The following C12orf75 variants were observed in gnomAD, a reference collection of about 807,000 sequenced individuals.
C12orf75 encodes overexpressed in colon carcinoma 1 protein.
A neutral mutation model predicts 11.4 loss-of-function variants in C12orf75; 4 were observed. The ratio of observed to expected loss-of-function variants is 0.35; its 90% CI spans 0.17 to 0.80. The LOEUF is 0.80. C12orf75 is among the 30% of genes least tolerant of loss of function. C12orf75 has a pLI of 0.52. For missense variants in C12orf75, 89 were observed against 80.4 expected, an observed-to-expected ratio of 1.11 and a Z score of -0.41; for synonymous variants, 30 against 30.0, an observed-to-expected ratio of 1.00 and a Z score of 0.00.
At chr12:105,334,772 C>T (rs143348376) in intron 1 of C12orf75, among the ~76,000 whole-genome samples, 2 of 152,344 alleles carry the variant, frequency 1.3e-5, no homozygotes, top group Non-Finnish European at 2.9e-5. Flanking sequence ...CCGGACTAGG[C>T]AGAGAAATGA....
chr12:105,370,681 G>A lies in C12orf75; in HGVS notation c.*81G>A. 1 of 457,622 alleles carries A rather than the reference G, an allele frequency of 2.2e-6. No individual in the cohort carries two copies. The highest frequency in any genetic ancestry group is 4.4e-6 in the Non-Finnish European group (1 of 226,798). 28.3% of individuals were successfully genotyped at this position (457,622 alleles called of 1,614,324 possible). On this transcript the variant is annotated 3_prime_UTR_variant, in exon 6 of 6. Transcript: ENST00000443585. ...ATTTGGCTCCGTGGGACGTTGTAAT[G>A]TGCACAGACATTTCCAAGGAAATTC...
chr12:105,345,334 A>G (rs1304482860), intron 1 of C12orf75, among the ~76,000 whole-genome samples: 1 of 151,932 alleles, frequency 6.6e-6, no homozygotes, highest in African/African-American at 2.4e-5. Context: ...ATTAAAAAAT[A>G]CAAAAATAAG....
At chr12:105,350,198 C>T (rs763317608) in intron 2 of C12orf75, among the ~76,000 whole-genome samples, 3 of 152,258 alleles carry the variant, frequency 2.0e-5, no homozygotes, top group Non-Finnish European at 4.4e-5. Context: ...AAGCACTGCC[C>T]TGCACTTGCA....
intron 5 of C12orf75, among the ~76,000 whole-genome samples, chr12:105,367,887 G>A (rs762865712): frequency 2.0e-5 from 3 of 152,106 alleles, no homozygotes; most frequent in Admixed American, 1.3e-4. Context: ...ATTTTAAGTG[G>A]TATTAGCCAG....
At chr12:105,366,108 A>C (rs1871466583) in intron 3 of C12orf75, 1 of 434,020 alleles carries the variant, frequency 2.3e-6, no homozygotes, top group Non-Finnish European at 4.1e-6. Context: ...CTTCTCCCTA[A>C]CTGGATGACT....
In C12orf75 at chr12:105,330,846, C is replaced by T; in HGVS notation, c.-46C>T. ...TCGTCTGGGTCTCCGCCCCCAGGAC[C>T]CGCGGCCGAGAGCTCCGGAGCGCGG... On this transcript the variant is annotated 5_prime_UTR_variant, in exon 1 of 6. Transcript: ENST00000443585. 6 of 1,249,230 alleles carry T rather than the reference C, an allele frequency of 4.8e-6. No homozygotes were observed. The highest frequency in any genetic ancestry group is 6.0e-6 in the Non-Finnish European group (6 of 998,264). 77.4% of individuals were successfully genotyped at this position (1,249,230 alleles called of 1,614,324 possible). A position where few individuals can be genotyped will look rare whatever the true frequency, so the allele number is the denominator to read the frequency against.
rs954391485 is a variant in C12orf75, at chr12:105,357,396, G to A, written c.72-8411G>A. Among the ~76,000 whole-genome samples the A allele has an allele frequency of 4.6e-5, 7 of 152,188 alleles. No homozygotes were observed. In the South Asian group the frequency reaches 1.2e-3, roughly 27 times the overall value. Reference sequence around the variant, plus strand: ...TTCTTCTTTCTTTTTCTTGCATGCCGAGTGTCAAGCCAACTTTGATAAGGT... The same window carrying A: ...TTCTTCTTTCTTTTTCTTGCATGCCAAGTGTCAAGCCAACTTTGATAAGGT... On this transcript the variant is annotated intron_variant, in intron 2 of 5. Transcript: ENST00000443585.
intron 1 of C12orf75, among the ~76,000 whole-genome samples, chr12:105,347,331 G>A (rs192481773): frequency 1.3e-5 from 2 of 152,352 alleles, no homozygotes; most frequent in African/African-American, 4.8e-5. Context: ...ATTAGGTGAA[G>A]TTTCACAATA....
chr12:105,362,443 G>A (rs1413073552), intron 2 of C12orf75, among the ~76,000 whole-genome samples: 2 of 148,016 alleles, frequency 1.4e-5, no homozygotes, highest in Non-Finnish European at 3.0e-5. Flanking sequence ...TGAGGCGGGT[G>A]GATCATGAGG....
intron 1 of C12orf75, among the ~76,000 whole-genome samples, chr12:105,342,364 G>A (rs538218600): frequency 1.2e-4 from 19 of 152,272 alleles, no homozygotes; most frequent in African/African-American, 2.6e-4. Flanking sequence ...CCCTTCTTGC[G>A]CTCTTGCTGT....
At chr12:105,333,129 C>A (rs1168513692) in intron 1 of C12orf75, among the ~76,000 whole-genome samples, 1 of 152,172 alleles carries the variant, frequency 6.6e-6, no homozygotes. Flanking sequence ...GGAGTTATTG[C>A]ATCACCTCTT....
chr12:105,334,696 C>T lies in C12orf75; in HGVS notation c.46+3759C>T, dbSNP rs559296941. Among the ~76,000 whole-genome samples, 7 of 152,320 alleles carry T rather than the reference C, an allele frequency of 4.6e-5. No homozygotes were observed. The South Asian group carries it at 6.2e-4, about 14-fold the overall frequency. ...ATAAGGCAGGGAGCTTTTGCACTCT[C>T]GCTCACTCTCACTCTTTCTCTGCAG... On this transcript the variant is annotated intron_variant, in intron 1 of 5. Transcript: ENST00000443585.
chr12:105,356,699 G>A (rs1892786468), intron 2 of C12orf75, among the ~76,000 whole-genome samples: 1 of 151,968 alleles, frequency 6.6e-6, no homozygotes, highest in Non-Finnish European at 1.5e-5. Flanking sequence ...ATCATGACAT[G>A]GTTCCATTAT....
intron 5 of C12orf75, among the ~76,000 whole-genome samples, chr12:105,367,957 G>A (rs772545182): frequency 3.3e-5 from 5 of 152,052 alleles, no homozygotes; most frequent in African/African-American, 1.2e-4. Flanking sequence ...ATGGGCAATC[G>A]GTCAATTAAG....
chr12:105,333,736 A>C (rs578236790), intron 1 of C12orf75, among the ~76,000 whole-genome samples: 1 of 152,316 alleles, frequency 6.6e-6, no homozygotes, highest in South Asian at 2.1e-4. Flanking sequence ...AATAACATGA[A>C]AGCACACTGT....
At position 105,364,529 on chromosome 12, in the gene C12orf75, T is replaced by C. The variant is rs540219427; in HGVS notation, c.72-1278T>C. On this transcript the variant is annotated intron_variant, in intron 2 of 5. Coordinates refer to ENST00000443585, the MANE Select transcript of C12orf75 (RefSeq NM_001145199.2). ...GACTTGGACTTACTGGCTGTTGCAA[T>C]AAAGCAAAAATCTCATGCACATATA... 4.9e-4 allele frequency among the ~76,000 whole-genome samples: 75 copies of C among 152,340 alleles called. No homozygotes were observed. The South Asian group carries it at 8.5e-3, about 17-fold the overall frequency.
chr12:105,366,027 C>T (rs1592886008), intron 3 of C12orf75, 185 bp downstream of exon 3: 3 of 620,366 alleles, frequency 4.8e-6, no homozygotes, highest in East Asian at 5.6e-5. Context: ...TTGCTCCTTC[C>T]AAGCAAACTT....
At chr12:105,350,688 T>C (rs543181617) in intron 2 of C12orf75, among the ~76,000 whole-genome samples, 2 of 152,290 alleles carry the variant, frequency 1.3e-5, no homozygotes, top group African/African-American at 4.8e-5. Context: ...CCCTTGAGGA[T>C]TGAGAGTGGG....
intron 1 of C12orf75, among the ~76,000 whole-genome samples, chr12:105,342,804 C>G (rs770879302): frequency 1.2e-4 from 18 of 152,190 alleles, no homozygotes; most frequent in Non-Finnish European, 2.6e-4. Flanking sequence ...TGCCAGGAAC[C>G]AGGGGCAAAG....
Sources: allele counts gnomAD v4.1 joint callset (sites outside exome capture counted in the v4.1 genomes callset), GRCh38; gene constraint gnomAD v4.1.1; transcripts MANE v1.5; gene names NCBI Gene and HGNC (gene_info 2026-07-23, HGNC 2026-07-21).